The following TRIM44 variants were observed in gnomAD, a reference collection of about 807,000 sequenced individuals.
The protein encoded by TRIM44 is tripartite motif containing 44.
In TRIM44, 13 loss-of-function variants were observed where a neutral mutation model predicts 37.4. The ratio of observed to expected loss-of-function variants is 0.35; its 90% CI spans 0.23 to 0.55. TRIM44 has a LOEUF of 0.55. Among genes scored for constraint, TRIM44 ranks in the 20% least tolerant of loss-of-function variants. TRIM44 has a pLI of 0.89. For missense variants in TRIM44, 426 were observed against 437.2 expected (o/e 0.97, Z 0.23); for synonymous variants, 175 against 157.2 (o/e 1.11, Z -0.85).
chr11:35,765,112 T>C (rs1287926032), intron 4 of TRIM44, among the ~76,000 whole-genome samples: 1 of 152,162 alleles, frequency 6.6e-6, no homozygotes, highest in African/African-American at 2.4e-5. Flanking sequence ...TTTGTGTGCA[T>C]AGTTGCAATC....
intron 4 of TRIM44, among the ~76,000 whole-genome samples, chr11:35,755,313 G>A (rs555230639): frequency 6.6e-6 from 1 of 152,282 alleles, no homozygotes; most frequent in East Asian, 1.9e-4. Flanking sequence ...CTTTTGAGAA[G>A]TGTCTGTTCA....
chr11:35,682,396 AAGTGGTGGG>A lies in TRIM44; in HGVS notation c.670-2857_670-2849del, dbSNP rs1851530013. Among the ~76,000 whole-genome samples, 15 of 152,228 alleles carry A rather than the reference AAGTGGTGGG, an allele frequency of 9.9e-5. No individual in the cohort carries two copies. In the South Asian group the frequency reaches 3.1e-3, roughly 32 times the overall value. On this transcript the variant is annotated intron_variant, in intron 1 of 4. Coordinates refer to ENST00000299413, the MANE Select transcript of TRIM44 (RefSeq NM_017583.6). ...GCAGGAAGGGACTGGAATGTGGGGA[AAGTGGTGGG>A]AGTGGATTGGGGCCAGAGTCCTCCA... is the stretch of plus-strand genomic sequence containing the variant.
Position 35,815,341 on chromosome 11 carries a change from A to G in TRIM44, c.*8956A>G, listed in dbSNP as rs1692185348. Reference sequence around the variant, plus strand: ...CTTTTAGACCCAGTTGGATGGCTGTATCCTAGTATGAAATTCAGCTTCTAA... The same window carrying G: ...CTTTTAGACCCAGTTGGATGGCTGTGTCCTAGTATGAAATTCAGCTTCTAA... On this transcript the variant is annotated 3_prime_UTR_variant, in exon 5 of 5. Transcript: ENST00000299413. 1 of 152,188 alleles carries G rather than the reference A, an allele frequency of 6.6e-6. No individual in the cohort carries two copies. Among genetic ancestry groups the G allele is most frequent in the Non-Finnish European group, 1.5e-5 (1 of 68,048 alleles). The allele number at this position is 152,188 out of a possible 1,614,324, so 9.4% of individuals were successfully genotyped here. A position where few individuals can be genotyped will look rare whatever the true frequency, so the allele number is the denominator to read the frequency against.
intron 3 of TRIM44, among the ~76,000 whole-genome samples, chr11:35,729,171 CAA>C (rs533694173): frequency 7.0e-6 from 1 of 143,384 alleles, no homozygotes; most frequent in Non-Finnish European, 1.5e-5. Context: ...TACACACAGA[CAA>C]AAAAAAAATA....
At chr11:35,713,291 A>C (rs1379611526) in intron 2 of TRIM44, among the ~76,000 whole-genome samples, 3 of 152,196 alleles carry the variant, frequency 2.0e-5, no homozygotes, top group African/African-American at 7.2e-5. Flanking sequence ...CCATTTATTT[A>C]GACATTATGA....
In TRIM44 at chr11:35,663,546, C is replaced by A; in HGVS notation, c.435C>A (p.Asn145Lys). The A allele has an allele frequency of 6.2e-7, 1 of 1,612,536 alleles. No individual in the cohort carries two copies. The highest frequency in any genetic ancestry group is 8.5e-7 in the Non-Finnish European group (1 of 1,179,276). ...AAGAAAGCGAGGCCGAAGAAGACAA[C>A]CAAGAAGAAGGGGAATCCGAGGCGG... ...DEQESEAEEDNQEEGESEAEG... is the reference protein window; with the variant it reads ...DEQESEAEEDKQEEGESEAEG... Residue 145 changes from asparagine to lysine, a missense_variant, in exon 1 of 5, where the codon AAC becomes AAA. This residue lies in a region of TRIM44 where 331 missense variants were observed against 303.0 expected (regional missense o/e 1.09). Transcript: ENST00000299413.
Position 35,811,899 on chromosome 11 carries a change from G to A in TRIM44, c.*5514G>A, listed in dbSNP as rs188241151. ...CAAGGTCACCCAACAAGCCAGGCTGGTAAAGCCCAGGACAGCAGACTCTCT... is the reference window on the plus strand; with the variant it reads ...CAAGGTCACCCAACAAGCCAGGCTGATAAAGCCCAGGACAGCAGACTCTCT... On this transcript the variant is annotated 3_prime_UTR_variant, in exon 5 of 5. Transcript: ENST00000299413. 3 of 152,284 alleles carry A rather than the reference G, an allele frequency of 2.0e-5. No individual in the cohort carries two copies. The highest frequency in any genetic ancestry group is 2.0e-4 in the Admixed American group (3 of 15,288). 9.4% of individuals were successfully genotyped at this position (152,284 alleles called of 1,614,324 possible). A position where few individuals can be genotyped will look rare whatever the true frequency, so the allele number is the denominator to read the frequency against.
At chr11:35,802,541 A>C (rs1853384377) in intron 4 of TRIM44, among the ~76,000 whole-genome samples, 1 of 152,174 alleles carries the variant, frequency 6.6e-6, no homozygotes, top group African/African-American at 2.4e-5. Context: ...GGATTTGGAC[A>C]TTAATTTTCT....
At chr11:35,743,057 A>G (rs2135525692) in intron 4 of TRIM44, among the ~76,000 whole-genome samples, 1 of 152,202 alleles carries the variant, frequency 6.6e-6, no homozygotes, top group Admixed American at 6.6e-5. Flanking sequence ...ATAAAGAATC[A>G]GAAAATATAG....
chr11:35,752,579 C>T (rs972077267), intron 4 of TRIM44, among the ~76,000 whole-genome samples: 2 of 151,658 alleles, frequency 1.3e-5, no homozygotes, highest in Non-Finnish European at 2.9e-5. Context: ...CTCTTTTGCT[C>T]CTTACTCACA....
intron 1 of TRIM44, among the ~76,000 whole-genome samples, chr11:35,665,437 G>T (rs1851319997): frequency 2.0e-5 from 3 of 151,520 alleles, no homozygotes; most frequent in African/African-American, 4.9e-5. Context: ...GCTATGTAAT[G>T]GTATTTTATT....
At chr11:35,778,665 T>C (rs1853009431) in intron 4 of TRIM44, among the ~76,000 whole-genome samples, 1 of 152,212 alleles carries the variant, frequency 6.6e-6, no homozygotes. Flanking sequence ...TTTCTGTTTG[T>C]TAGTTCTCCT....
intron 4 of TRIM44, among the ~76,000 whole-genome samples, chr11:35,801,839 G>T (rs1010601382): frequency 1.3e-5 from 2 of 152,122 alleles, no homozygotes; most frequent in African/African-American, 4.8e-5. Context: ...CAGAATTTAG[G>T]AGCTCCCAGT....
chr11:35,788,046 T>G (rs1400721503), intron 4 of TRIM44, among the ~76,000 whole-genome samples: 1 of 152,190 alleles, frequency 6.6e-6, no homozygotes, highest in African/African-American at 2.4e-5. Context: ...TCACCTGGTC[T>G]TACCAGCCCT....
intron 2 of TRIM44, among the ~76,000 whole-genome samples, chr11:35,703,114 A>C (rs552214340): frequency 6.6e-5 from 10 of 152,216 alleles, no homozygotes; most frequent in Non-Finnish European, 1.3e-4. Flanking sequence ...TATCCCGCAC[A>C]TGGCTCGGAG....
intron 4 of TRIM44, among the ~76,000 whole-genome samples, chr11:35,744,906 C>T (rs1023357869): frequency 3.3e-5 from 5 of 152,134 alleles, no homozygotes; most frequent in Non-Finnish European, 7.3e-5. Context: ...GATCTCATTC[C>T]TTTCTGTGGC....
At chr11:35,702,013 G>C (rs1038372672) in intron 2 of TRIM44, among the ~76,000 whole-genome samples, 1 of 152,010 alleles carries the variant, frequency 6.6e-6, no homozygotes, top group African/African-American at 2.4e-5. Flanking sequence ...CATCTTTTTT[G>C]TTTCATGGAT....
At chr11:35,712,923 T>C (rs752135559) in intron 2 of TRIM44, among the ~76,000 whole-genome samples, 1 of 152,192 alleles carries the variant, frequency 6.6e-6, no homozygotes, top group Non-Finnish European at 1.5e-5. Context: ...CCTTCCTCTT[T>C]CCCTGTTAGT....
chr11:35,775,906 A>G (rs1477135369), intron 4 of TRIM44, among the ~76,000 whole-genome samples: 1 of 152,178 alleles, frequency 6.6e-6, no homozygotes, highest in Non-Finnish European at 1.5e-5. Context: ...ATCGATGTTC[A>G]TCAAGGATAT....
Sources: allele counts gnomAD v4.1 joint callset (sites outside exome capture counted in the v4.1 genomes callset), GRCh38; gene constraint gnomAD v4.1.1; regional missense constraint gnomAD v4.1.1; transcripts MANE v1.5; gene names NCBI Gene and HGNC (gene_info 2026-07-23, HGNC 2026-07-21).